The following SLC25A48 variants were observed in gnomAD, a reference collection of about 807,000 sequenced individuals.
The protein encoded by SLC25A48 is CTC-321K16.1.
SLC25A48 carries 29 observed loss-of-function variants against 32.2 expected under a neutral mutation model. That is an observed-to-expected ratio of 0.90 (90% CI 0.67 to 1.23). SLC25A48 has a LOEUF of 1.23. SLC25A48 is among the 50% of genes most tolerant of loss of function. SLC25A48 has a pLI of 0.00. For missense variants in SLC25A48, 399 were observed against 422.7 expected (o/e 0.94, Z 0.49); for synonymous variants, 164 against 172.3 (o/e 0.95, Z 0.38).
chr5:135,863,646 C>A (rs971953609), intron 4 of SLC25A48, among the ~76,000 whole-genome samples: 3 of 152,110 alleles, frequency 2.0e-5, no homozygotes, highest in African/African-American at 2.4e-5. Context: ...ATGAAATAGG[C>A]CCACTTATCA....
intron 4 of SLC25A48, chr5:135,824,337 G>C: frequency 6.6e-6 from 1 of 152,316 alleles, no homozygotes; most frequent in East Asian, 1.9e-4. Context: ...GCAGGGACTG[G>C]GGACAGAGCT....
intron 3 of SLC25A48, among the ~76,000 whole-genome samples, chr5:135,697,014 G>A (rs1309657188): frequency 6.6e-6 from 1 of 152,192 alleles, no homozygotes; most frequent in Non-Finnish European, 1.5e-5. Flanking sequence ...GAAGCAGAAT[G>A]CCTAAGTGTT....
chr5:135,727,160 G>GT (rs1561465372), intron 3 of SLC25A48, among the ~76,000 whole-genome samples: 1 of 145,386 alleles, frequency 6.9e-6, no homozygotes, highest in East Asian at 2.0e-4. Context: ...TTTTTTTACT[G>GT]TTTTTTACAT....
intron 3 of SLC25A48, among the ~76,000 whole-genome samples, chr5:135,758,133 T>G (rs1755968163): frequency 6.6e-6 from 1 of 150,824 alleles, no homozygotes; most frequent in African/African-American, 2.4e-5. Flanking sequence ...TCTCTGGTAT[T>G]GTTAACACAC....
intron 3 of SLC25A48, among the ~76,000 whole-genome samples, chr5:135,707,550 G>A (rs1422753714): frequency 6.6e-6 from 1 of 152,074 alleles, no homozygotes; most frequent in Non-Finnish European, 1.5e-5. Context: ...AGCCCACCAA[G>A]CACACTGCTG....
chr5:135,787,600 G>T (rs368145614), intron 3 of SLC25A48, among the ~76,000 whole-genome samples: 1 of 151,908 alleles, frequency 6.6e-6, no homozygotes, highest in South Asian at 2.1e-4. Context: ...ATTTTCTAGG[G>T]GGATGTTACT....
chr5:135,842,237 CTA>C (rs1227674164), intron 1 of SLC25A48, among the ~76,000 whole-genome samples, 177 bp from the exon 2 acceptor site: 1 of 152,132 alleles, frequency 6.6e-6, no homozygotes, highest in African/African-American at 2.4e-5. Context: ...TTGTTTTACT[CTA>C]TTTTCTCTGC....
intron 3 of SLC25A48, among the ~76,000 whole-genome samples, chr5:135,788,814 G>A (rs973169462): frequency 2.6e-5 from 4 of 151,054 alleles, no homozygotes; most frequent in Non-Finnish European, 5.9e-5. Context: ...GGTGGGGGAT[G>A]TACACCCCCC....
chr5:135,746,110 C>T (rs1434385951), intron 3 of SLC25A48: 2 of 152,804 alleles, frequency 1.3e-5, no homozygotes, highest in Non-Finnish European at 2.9e-5. Context: ...GCTCAGCGCC[C>T]TCTAGGCCCC....
intron 3 of SLC25A48, among the ~76,000 whole-genome samples, chr5:135,785,262 A>G (rs1756807334): frequency 1.3e-5 from 2 of 152,008 alleles, no homozygotes; most frequent in South Asian, 4.1e-4. Flanking sequence ...AGATGGTGAT[A>G]TTATTCCCCA....
At chr5:135,881,964 C>G (rs1033474189) in intron 7 of SLC25A48, among the ~76,000 whole-genome samples, 2 of 152,218 alleles carry the variant, frequency 1.3e-5, no homozygotes, top group African/African-American at 4.8e-5. Context: ...TGGCTGGATG[C>G]CTGCCCAACC....
chr5:135,627,162 C>T (rs1752457368), intron 1 of SLC25A48, among the ~76,000 whole-genome samples: 1 of 152,130 alleles, frequency 6.6e-6, no homozygotes, highest in Admixed American at 6.5e-5. Context: ...CTCTCTCTGC[C>T]CCATGGGGTG....
intron 3 of SLC25A48, among the ~76,000 whole-genome samples, chr5:135,695,116 T>C (rs1754235600): frequency 6.6e-6 from 1 of 151,660 alleles, no homozygotes; most frequent in Admixed American, 6.6e-5. Flanking sequence ...CTGGTCCCTC[T>C]GCCTGTACCT....
At chr5:135,750,143 C>T (rs1184053775) in intron 3 of SLC25A48, among the ~76,000 whole-genome samples, 4 of 152,240 alleles carry the variant, frequency 2.6e-5, no homozygotes, top group African/African-American at 9.6e-5. Flanking sequence ...CAGTTCCTGC[C>T]TCTGGGTTTC....
At chr5:135,595,009 C>T (rs1243677162) in intron 1 of SLC25A48, among the ~76,000 whole-genome samples, 1 of 152,180 alleles carries the variant, frequency 6.6e-6, no homozygotes, top group African/African-American at 2.4e-5. Context: ...TCCAGGGAAG[C>T]AGGCCTCAGC....
chr5:135,859,992 C>T (rs4537058), intron 4 of SLC25A48, among the ~76,000 whole-genome samples: 8,616 of 152,226 alleles, frequency 0.057, 344 homozygotes, highest in Middle Eastern at 0.14. Context: ...TCCTCCATAC[C>T]TTAGCAGAAT....
At chr5:135,872,243 C>T (rs1057284128) in intron 5 of SLC25A48, 4 of 217,988 alleles carry the variant, frequency 1.8e-5, no homozygotes, top group Non-Finnish European at 3.6e-5. Context: ...TGTTGCTTAA[C>T]CTCCCTGCTC....
intron 3 of SLC25A48, among the ~76,000 whole-genome samples, chr5:135,793,617 C>T (rs536035088): frequency 4.8e-4 from 72 of 151,206 alleles, no homozygotes; most frequent in African/African-American, 1.7e-3. Flanking sequence ...TTATTCATAA[C>T]ATTTTGGGGA....
intron 3 of SLC25A48, among the ~76,000 whole-genome samples, chr5:135,769,418 T>TG (rs1181934126): frequency 6.7e-6 from 1 of 148,384 alleles, no homozygotes; most frequent in East Asian, 2.0e-4. Flanking sequence ...CAATATCCAG[T>TG]GGGGGAGAGA....
Sources: gnomAD v4.1 joint callset for allele counts (sites outside exome capture counted in the v4.1 genomes callset) on GRCh38, gnomAD v4.1.1 for gene constraint, MANE v1.5 for transcripts, NCBI Gene and HGNC (gene_info 2026-07-23, HGNC 2026-07-21) for gene names.